Variants in NAV2 observed in about 807,000 individuals in gnomAD.
NAV2 encodes the protein neuron navigator 2.
NAV2 carries 54 observed loss-of-function variants against 223.2 expected under a neutral mutation model. The observed-to-expected ratio is 0.24, with a 90% confidence interval of 0.19 to 0.30. NAV2 has a LOEUF of 0.30. Among genes scored for constraint, NAV2 ranks in the 10% least tolerant of loss-of-function variants. NAV2 has a pLI of 1.00. For missense variants in NAV2, 2,806 were observed against 3,147.5 expected (o/e 0.89, Z 2.60); for synonymous variants, 1,279 against 1,239.3 (o/e 1.03, Z -0.67).
chr11:20,106,183 GTATATA>G (rs1182631250), intron 35 of NAV2, among the ~76,000 whole-genome samples: 4,102 of 25,486 alleles, frequency 0.16, 560 homozygotes, highest in Non-Finnish European at 0.25. Context: ...ATATGTGTGT[GTATATA>G]TATATATATA....
chr11:20,023,057 T>A, intron 11 of NAV2: 1 of 1,551,282 alleles, frequency 6.4e-7, no homozygotes, highest in South Asian at 1.2e-5. Flanking sequence ...TCCTGTGAGA[T>A]TCATTCAGCT....
At chr11:19,710,703 T>A (rs2049837717), upstream of NAV2, among the ~76,000 whole-genome samples, 1 of 152,262 alleles carries the variant, frequency 6.6e-6, no homozygotes, top group East Asian at 1.9e-4. Flanking sequence ...GATTGTGATA[T>A]CTTTCCACAA....
intron 1 of NAV2, among the ~76,000 whole-genome samples, chr11:19,448,049 A>G (rs1851650966): frequency 6.6e-6 from 1 of 152,198 alleles, no homozygotes; most frequent in Non-Finnish European, 1.5e-5. Flanking sequence ...GTCATGGCCC[A>G]GCCCTGCCCT....
intron 1 of NAV2, among the ~76,000 whole-genome samples, chr11:19,462,193 A>G (rs1590248753): frequency 6.6e-6 from 1 of 152,352 alleles, no homozygotes; most frequent in South Asian, 2.1e-4. Context: ...TTCATCATGT[A>G]TCATAATCAC....
intron 1 of NAV2, among the ~76,000 whole-genome samples, chr11:19,714,996 A>C (rs1375927120): frequency 6.6e-6 from 1 of 152,142 alleles, no homozygotes; most frequent in Non-Finnish European, 1.5e-5. Context: ...GGCTGGTGTC[A>C]GGAAAATGGC....
intron 1 of NAV2, among the ~76,000 whole-genome samples, chr11:19,493,979 C>T (rs573679016): frequency 2.6e-5 from 4 of 152,212 alleles, no homozygotes; most frequent in Non-Finnish European, 5.9e-5. Context: ...TGTTTGATCT[C>T]CCTCTGGCTG....
chr11:19,860,301 C>T (rs2061677494), intron 3 of NAV2, among the ~76,000 whole-genome samples: 1 of 137,482 alleles, frequency 7.3e-6, no homozygotes, highest in Non-Finnish European at 1.6e-5. Flanking sequence ...GGAGGGGCTC[C>T]TCACTTCTCA....
intron 3 of NAV2, among the ~76,000 whole-genome samples, chr11:19,856,931 A>C (rs2061438531): frequency 2.6e-5 from 4 of 152,238 alleles, no homozygotes; most frequent in Admixed American, 2.6e-4. Context: ...GTTCGTGAAC[A>C]ACCAGAAGAA....
chr11:19,850,472 ATG>A (rs1042894888), intron 3 of NAV2, among the ~76,000 whole-genome samples: 2 of 152,032 alleles, frequency 1.3e-5, no homozygotes, highest in South Asian at 2.1e-4. Flanking sequence ...GCTGGCCTGA[ATG>A]TGTGTGTGTG....
intron 1 of NAV2, among the ~76,000 whole-genome samples, chr11:19,620,927 T>C (rs1223412305): frequency 1.3e-5 from 2 of 151,988 alleles, no homozygotes; most frequent in African/African-American, 4.9e-5. Flanking sequence ...TATTTTGAGA[T>C]ACATCCCATT....
intron 6 of NAV2, among the ~76,000 whole-genome samples, chr11:19,898,477 G>A (rs1178000153): frequency 6.6e-6 from 1 of 152,162 alleles, no homozygotes; most frequent in Non-Finnish European, 1.5e-5. Context: ...TCTTTTAAAT[G>A]AAATCATGAA....
chr11:19,355,400 T>C (rs899147143), intron 1 of NAV2, among the ~76,000 whole-genome samples: 3 of 152,150 alleles, frequency 2.0e-5, no homozygotes, highest in African/African-American at 7.2e-5. Flanking sequence ...AACTCGGGTT[T>C]AGTGTAATTA....
At chr11:19,864,266 C>T (rs1489179392) in intron 3 of NAV2, among the ~76,000 whole-genome samples, 4 of 152,200 alleles carry the variant, frequency 2.6e-5, no homozygotes, top group Admixed American at 2.6e-4. Flanking sequence ...AGAATGTCAT[C>T]TTCCCCTAGG....
chr11:19,830,732 C>T (rs191516164), intron 1 of NAV2, among the ~76,000 whole-genome samples: 24 of 152,308 alleles, frequency 1.6e-4, no homozygotes, highest in Admixed American at 1.5e-3. Context: ...GAACCCATGT[C>T]TGCTTCTTTT....
chr11:19,547,526 C>T (rs555965981), intron 1 of NAV2, among the ~76,000 whole-genome samples: 3 of 152,190 alleles, frequency 2.0e-5, no homozygotes, highest in Non-Finnish European at 4.4e-5. Flanking sequence ...TACATCCTCA[C>T]GCTGCACACT....
intron 1 of NAV2, among the ~76,000 whole-genome samples, chr11:19,725,646 A>G (rs2051170934): frequency 6.6e-6 from 1 of 152,154 alleles, no homozygotes; most frequent in Admixed American, 6.5e-5. Flanking sequence ...CCTTCTCTGG[A>G]TTGCAGAGCA....
intron 1 of NAV2, among the ~76,000 whole-genome samples, chr11:19,600,775 G>A (rs1056272157): frequency 3.3e-5 from 5 of 152,282 alleles, no homozygotes; most frequent in Middle Eastern, 3.4e-3. Flanking sequence ...CATATACTAG[G>A]TGTTCAATAA....
intron 1 of NAV2, among the ~76,000 whole-genome samples, chr11:19,617,937 A>G (rs565875036): frequency 1.2e-4 from 19 of 152,180 alleles, no homozygotes; most frequent in African/African-American, 4.6e-4. Flanking sequence ...CTTCCTACAG[A>G]TATCCCCATG....
intron 1 of NAV2, among the ~76,000 whole-genome samples, chr11:19,581,072 T>G (rs1336829175): frequency 6.6e-6 from 1 of 152,232 alleles, no homozygotes; most frequent in Non-Finnish European, 1.5e-5. Context: ...TCCTTTTCTG[T>G]GAGATGTCTG....
Sources: allele counts gnomAD v4.1 joint callset (sites outside exome capture counted in the v4.1 genomes callset), GRCh38; gene constraint gnomAD v4.1.1; transcripts MANE v1.5; gene names NCBI Gene and HGNC (gene_info 2026-07-23, HGNC 2026-07-21).